Variants in TONSL observed in about 807,000 individuals in gnomAD.
TONSL encodes the protein tonsoku like, DNA repair protein.
Under a neutral mutation model 147.1 loss-of-function variants are expected in TONSL, and 112 were observed. The ratio of observed to expected loss-of-function variants is 0.76; its 90% CI spans 0.65 to 0.89. The LOEUF is 0.89. TONSL is among the 40% of genes least tolerant of loss of function. TONSL has a pLI of 0.00. For synonymous variants in TONSL, 868 were observed against 801.5 expected, an observed-to-expected ratio of 1.08 and a Z score of -1.40; for missense variants, 1,883 against 1,864.6, an observed-to-expected ratio of 1.01 and a Z score of -0.18.
Position 144,443,154 on chromosome 8 carries a change from C to T in TONSL, c.432G>A (p.Val144=). ...TCTGCCCACCCTCCAGCTCCTCATC[C>T]ACAATAGCCAAGCTCTTCTCAAAGG... ...QAAFEKSLAI[V]DEELEGTLAQ... Residue 144 remains valine, a synonymous_variant, in exon 4 of 26, where the codon GTG becomes GTA. Transcript: ENST00000409379. 1.9e-6 allele frequency: 3 copies of T among 1,550,554 alleles called. No homozygotes were observed. The highest frequency in any genetic ancestry group is 1.2e-5 in the South Asian group (1 of 84,068).
chr8:144,434,896 G>A lies in TONSL; in HGVS notation c.3007-7C>T, dbSNP rs1823371095. ...AAGTCACCTCAGCCAACACCTGGAA[G>A]GCACCGTCATGAGCCACCTGGGGGC... On this transcript the variant is annotated splice_polypyrimidine_tract_variant and splice_region_variant and intron_variant, in intron 19 of 25. Coordinates refer to ENST00000409379, the MANE Select transcript of TONSL (RefSeq NM_013432.5). 1 of 1,613,276 alleles carries A rather than the reference G, an allele frequency of 6.2e-7. No homozygotes were observed.
In TONSL at chr8:144,429,169, A is replaced by G; in HGVS notation, c.4111T>C (p.Ser1371Pro). 6.5e-7 allele frequency: 1 copy of G among 1,533,000 alleles called. No individual in the cohort carries two copies. Among genetic ancestry groups the G allele is most frequent in the Non-Finnish European group, 8.7e-7 (1 of 1,144,568 alleles). The allele number at this position is 1,533,000 out of a possible 1,614,324, so 95.0% of individuals were successfully genotyped here. The change falls in exon 26 of 26, where the codon TCC becomes CCC. Residue 1371 changes from serine to proline, a missense_variant. By Grantham distance (74) the Ser-to-Pro change is moderately conservative. Coordinates refer to ENST00000409379, the MANE Select transcript of TONSL (RefSeq NM_013432.5). ...GPGECTLDHGSKLFFRRL is the reference protein window; with the variant it reads ...GPGECTLDHGPKLFFRRL ...CAGAGGCGCCGAAAGAAGAGCTTGG[A>G]GCCGTGGTCCAGCGTGCACTCGCCG...
chr8:144,434,038 G>A lies in TONSL; in HGVS notation c.3327C>T (p.His1109=). 1 of 1,610,038 alleles carries A rather than the reference G, an allele frequency of 6.2e-7. No individual in the cohort carries two copies. The highest frequency in any genetic ancestry group is 8.5e-7 in the Non-Finnish European group (1 of 1,178,020). ...SLALLDLSSN[H]LGPEGLRQLA... Reference sequence around the variant, plus strand: ...GCTGGCGCAGGCCTTCGGGACCCAGGTGATTGGAGGAGAGGTCAAGGAGGG... The same window carrying A: ...GCTGGCGCAGGCCTTCGGGACCCAGATGATTGGAGGAGAGGTCAAGGAGGG... Residue 1109 remains histidine, a synonymous_variant, in exon 21 of 26, where the codon CAC becomes CAT. Transcript: ENST00000409379.
At position 144,443,196 on chromosome 8, in the gene TONSL, C is replaced by T; in HGVS notation, c.390G>A (p.Leu130=). The change falls in exon 4 of 26, where the codon TTG becomes TTA. Residue 130 remains leucine, a synonymous_variant. Coordinates refer to ENST00000409379, the MANE Select transcript of TONSL (RefSeq NM_013432.5). ...TCTCAAAGGCAGCCTGTGCCTGCAG[C>T]AAAGCATCCCTCGACTGGCAGTGGT... The part of the protein sequence containing the change: ...IYDHCQSRDA[L]LQAQAAFEKS... The T allele has an allele frequency of 1.3e-6, 2 of 1,550,826 alleles. No homozygotes were observed. The highest frequency in any genetic ancestry group is 1.7e-6 in the Non-Finnish European group (2 of 1,146,994).
At chr8:144,443,768 G>C (rs927098088) in intron 3 of TONSL, 114 bp downstream of exon 3, 1 of 1,416,234 alleles carries the variant, frequency 7.1e-7, no homozygotes, top group Middle Eastern at 1.9e-4. Flanking sequence ...GGCTGCGTCA[G>C]GTCAGGTGTC....
chr8:144,436,892 C>T lies in TONSL; in HGVS notation c.1755G>A (p.Gly585=). Reference sequence around the variant, plus strand: ...GGCCACCTGGGTCGTCCACTGCGGCCCCGTGGTCCAGCAGGAAGCGGACAA... The same window carrying T: ...GGCCACCTGGGTCGTCCACTGCGGCTCCGTGGTCCAGCAGGAAGCGGACAA... ...LEIVRFLLDH[G]AAVDDPGGQG... Residue 585 remains glycine (G), a synonymous_variant, in exon 15 of 26, where the codon GGG becomes GGA. Coordinates refer to ENST00000409379, the MANE Select transcript of TONSL (RefSeq NM_013432.5). The T allele has an allele frequency of 6.2e-7, 1 of 1,608,812 alleles. No homozygotes were observed.
intron 11 of TONSL, among the ~76,000 whole-genome samples, chr8:144,439,486 C>T (rs1823618130): frequency 1.3e-5 from 2 of 152,190 alleles, no homozygotes; most frequent in African/African-American, 4.8e-5. Context: ...GCCTCATGGA[C>T]AGGCTCCTGC....
At chr8:144,442,509 C>T (rs1823758031) in intron 5 of TONSL, 97 bp from the exon 6 acceptor site, 15 of 1,482,982 alleles carry the variant, frequency 1.0e-5, no homozygotes, top group Non-Finnish European at 1.3e-5. Context: ...GTCTCAGGGC[C>T]CTAACCATGC....
chr8:144,440,831 G>A lies in TONSL; in HGVS notation c.1051C>T (p.Arg351Trp), dbSNP rs753001104. The A allele has an allele frequency of 9.9e-6, 16 of 1,612,770 alleles. No homozygotes were observed. Among genetic ancestry groups the A allele is most frequent in the East Asian group, 2.2e-5 (1 of 44,892 alleles). ...GCCAGGGACACGTGGATGATGGCCC[G>A]CTCAGCACCCGGTCTGTCCAGCAGC... is the stretch of plus-strand genomic sequence containing the variant. ...AELLDRPGAE[R>W]AIIHVSLATT... The change falls in exon 9 of 26, where the codon CGG (arginine) becomes TGG (tryptophan). Residue 351 changes from arginine to tryptophan, a missense_variant. Transcript: ENST00000409379.
At position 144,430,496 on chromosome 8, in the gene TONSL, G is replaced by A; in HGVS notation, c.3851C>T (p.Ser1284Phe). ...LCPSLISLDL[S>F]ANPEISCASL... ...GGCACAGCTGATCTCAGGGTTGGCAGACAGATCCAGTGAGATGAGTGAGGG... is the reference window on the plus strand; with the variant it reads ...GGCACAGCTGATCTCAGGGTTGGCAAACAGATCCAGTGAGATGAGTGAGGG... Residue 1284 changes from serine (S) to phenylalanine (F), a missense_variant, in exon 25 of 26, where the codon TCT becomes TTT. By Grantham distance (155) the Ser-to-Phe change is radical. Transcript: ENST00000409379. 4 of 1,613,606 alleles carry A rather than the reference G, an allele frequency of 2.5e-6. No homozygotes were observed. Among genetic ancestry groups the A allele is most frequent in the Non-Finnish European group, 3.4e-6 (4 of 1,179,764 alleles).
In TONSL at chr8:144,435,841, C is replaced by G. The variant is rs1823427589; in HGVS notation, c.2592G>C (p.Gly864=). 2 of 1,611,044 alleles carry G rather than the reference C, an allele frequency of 1.2e-6. No homozygotes were observed. Among genetic ancestry groups the G allele is most frequent in the Admixed American group, 3.3e-5 (2 of 59,906 alleles). The change falls in exon 17 of 26, where the codon GGG becomes GGC. Residue 864 remains glycine (G), a synonymous_variant. Coordinates refer to ENST00000409379, the MANE Select transcript of TONSL (RefSeq NM_013432.5). ...GDNRRPSSTS[G]SDSEESRPRA... is the part of the protein sequence containing the mutation. ...GGGGCCTGCTCTCCTCACTGTCCGA[C>G]CCAGAGGTACTACTGGGCCTGCGGT...
rs1823171325 is a variant in TONSL, at chr8:144,431,138, A to G, written c.3749T>C (p.Leu1250Pro). The change falls in exon 24 of 26, where the codon CTA (leucine) becomes CCA (proline). Residue 1250 changes from leucine (L) to proline (P), a missense_variant. Leu to Pro is a moderately conservative substitution (Grantham distance 98, BLOSUM62 -3). Transcript: ENST00000409379. ...GTTTGCAGACAGGGTCAGGTGGGCT[A>G]GAGCACAGCCTTCCTGGACATGAGC... Reference protein sequence around the residue: ...FRYLAKEGCALAHLTLSANHL... With the variant: ...FRYLAKEGCAPAHLTLSANHL... 9 of 1,614,146 alleles carry G rather than the reference A, an allele frequency of 5.6e-6. No homozygotes were observed. The highest frequency in any genetic ancestry group is 5.9e-6 in the Non-Finnish European group (7 of 1,179,996).
At chr8:144,430,604 G>A in intron 24 of TONSL, 67 bp from the exon 25 acceptor site, 1 of 1,527,726 alleles carries the variant, frequency 6.5e-7, no homozygotes. Flanking sequence ...CACTAGGAAA[G>A]CTGCCCAGAC....
At chr8:144,441,965 G>A (rs766082296) in intron 7 of TONSL, 72 bp downstream of exon 7, 43 of 1,362,520 alleles carry the variant, frequency 3.2e-5, no homozygotes, top group East Asian at 1.2e-4. Context: ...CACACCTGGC[G>A]GGACTCCACC....
At position 144,434,854 on chromosome 8, in the gene TONSL, C is replaced by T. The variant is rs34180657; in HGVS notation, c.3042G>A (p.Pro1014=). ...LAEVTSWDLP[P]LTDRYRRACQ... Reference sequence around the variant, plus strand: ...AGGCCCTGCGGTAGCGGTCAGTCAACGGGGGCAGGTCCCACGAAGTCACCT... The same window carrying T: ...AGGCCCTGCGGTAGCGGTCAGTCAATGGGGGCAGGTCCCACGAAGTCACCT... The change falls in exon 20 of 26, where the codon CCG becomes CCA. Residue 1014 remains proline, a synonymous_variant. Coordinates refer to ENST00000409379, the MANE Select transcript of TONSL (RefSeq NM_013432.5). 5,989 of 1,613,400 alleles carry T rather than the reference C, an allele frequency of 3.7e-3. 218 individuals carry two copies. In the African/African-American group the frequency reaches 0.071, roughly 19 times the overall value.
intron 23 of TONSL, 80 bp from the exon 24 acceptor site, chr8:144,431,231 C>T (rs1823175260): frequency 7.2e-7 from 1 of 1,398,086 alleles, no homozygotes. Flanking sequence ...TGCACCACAC[C>T]CAGGGGCCCA....
At position 144,438,472 on chromosome 8, in the gene TONSL, T is replaced by G. The variant is rs749697359; in HGVS notation, c.1652A>C (p.Gln551Pro). ...QLRRVQDLVR[Q>P]GHPLNPRDYC... ...CCCACGTCCCAGAGCGGGGCCCACCTGCCTCACAAGGTCCTGGACGCGGCG... is the reference window on the plus strand; with the variant it reads ...CCCACGTCCCAGAGCGGGGCCCACCGGCCTCACAAGGTCCTGGACGCGGCG... Residue 551 changes from glutamine to proline, a missense_variant and splice_region_variant, in exon 13 of 26, where the codon CAG (glutamine) becomes CCG (proline). Physicochemically the swap from Gln to Pro is moderately conservative, Grantham distance 76 (BLOSUM62 -1). Coordinates refer to ENST00000409379, the MANE Select transcript of TONSL (RefSeq NM_013432.5). 1 of 1,612,460 alleles carries G rather than the reference T, an allele frequency of 6.2e-7. No individual in the cohort carries two copies. The highest frequency in any genetic ancestry group is 8.5e-7 in the Non-Finnish European group (1 of 1,179,728).
At position 144,442,004 on chromosome 8, in the gene TONSL, C is replaced by CT. The variant is rs765241888; in HGVS notation, c.865+32dup. The CT allele has an allele frequency of 1.9e-5, 30 of 1,594,960 alleles. 1 individual carries two copies. The South Asian group carries it at 3.3e-4, about 18-fold the overall frequency. Reference sequence around the variant, plus strand: ...CCCCCAGGCTCACCCCTGCACACACCTCCCAGGGCCCCATTCGCACCCCCA... The same window carrying CT: ...CCCCCAGGCTCACCCCTGCACACACCTTCCCAGGGCCCCATTCGCACCCCCA... On this transcript the variant is annotated intron_variant, in intron 7 of 25. Transcript: ENST00000409379.
intron 1 of TONSL, 51 bp from the exon 2 acceptor site, chr8:144,444,326 G>A: frequency 1.5e-6 from 2 of 1,330,740 alleles, no homozygotes; most frequent in African/African-American, 1.5e-5. Flanking sequence ...CCGGGGCCGG[G>A]GCCGAGTCCC....
Sources: gnomAD v4.1 joint callset for allele counts (sites outside exome capture counted in the v4.1 genomes callset) on GRCh38, gnomAD v4.1.1 for gene constraint, MANE v1.5 for transcripts, NCBI Gene and HGNC (gene_info 2026-07-23, HGNC 2026-07-21) for gene names.